Variants in DYNC2LI1 observed in about 807,000 individuals in gnomAD.
The protein encoded by DYNC2LI1 is cytoplasmic dynein 2 light intermediate chain 1.
In DYNC2LI1, 45 loss-of-function variants were observed where a neutral mutation model predicts 51.9. The ratio of observed to expected loss-of-function variants is 0.87; its 90% CI spans 0.68 to 1.11. DYNC2LI1 has a LOEUF of 1.11. Ranked by LOEUF, DYNC2LI1 falls within the 50% of genes most tolerant of loss-of-function variation. The pLI, the probability that DYNC2LI1 is intolerant of heterozygous loss-of-function variation, is 0.00. For missense variants in DYNC2LI1, 490 were observed against 417.4 expected (o/e 1.17, Z -1.51); for synonymous variants, 130 against 137.8 (o/e 0.94, Z 0.40).
chr2:43,786,935 A>T (rs1673549341), intron 3 of DYNC2LI1, among the ~76,000 whole-genome samples: 1 of 152,242 alleles, frequency 6.6e-6, no homozygotes. Context: ...CAGCCTCAAC[A>T]CATTCTCTAC....
intron 3 of DYNC2LI1, among the ~76,000 whole-genome samples, chr2:43,784,880 C>T (rs1572699795): frequency 6.6e-6 from 1 of 152,178 alleles, no homozygotes; most frequent in Middle Eastern, 3.4e-3. Context: ...GACATATAAC[C>T]GAATATTACT....
intron 6 of DYNC2LI1, 94 bp from the exon 7 acceptor site, chr2:43,795,796 A>G (rs1048177641): frequency 2.2e-6 from 2 of 920,944 alleles, no homozygotes; most frequent in African/African-American, 3.3e-5. Flanking sequence ...CTATGAAGAG[A>G]CTGAAAATGG....
chr2:43,824,341 T>C, the DYNC2LI1 span: 7 of 1,614,098 alleles, frequency 4.3e-6, no homozygotes, highest in Non-Finnish European at 5.9e-6. Flanking sequence ...GACAAATTGC[T>C]GATTTCTTGT....
At chr2:43,822,049 T>C in the DYNC2LI1 span, among the ~76,000 whole-genome samples, 4 of 152,170 alleles carry the variant, frequency 2.6e-5, no homozygotes, top group Non-Finnish European at 5.9e-5. Flanking sequence ...TGTTTTTTGA[T>C]GGTCTTATTT....
the DYNC2LI1 span, among the ~76,000 whole-genome samples, chr2:43,816,741 GTA>G: frequency 6.6e-6 from 1 of 152,086 alleles, no homozygotes; most frequent in African/African-American, 2.4e-5. Context: ...GGGAAAAAAA[GTA>G]TGCATATTTT....
chr2:43,785,250 G>T (rs569220501), intron 3 of DYNC2LI1, among the ~76,000 whole-genome samples: 13 of 152,240 alleles, frequency 8.5e-5, no homozygotes, highest in African/African-American at 3.1e-4. Flanking sequence ...AGTGAGCTGT[G>T]ATCGCGCCAC....
chr2:43,794,880 CCAAT>C lies in DYNC2LI1; in HGVS notation c.507+240_507+243del, dbSNP rs140736574. On this transcript the variant is annotated intron_variant, in intron 6 of 12. Coordinates refer to ENST00000260605, the MANE Select transcript of DYNC2LI1 (RefSeq NM_016008.4). ...TCTGTGATTGTTATGGCATATTACA[CCAAT>C]CAGAGAAATAGAGTTTTAAAGTAGT... is the stretch of plus-strand genomic sequence containing the variant. The C allele has an allele frequency of 5.9e-4, 821 of 1,401,056 alleles. 9 individuals carry two copies. In the East Asian group the frequency reaches 0.017, roughly 30 times the overall value. The allele number at this position is 1,401,056 out of a possible 1,614,324, so 86.8% of individuals were successfully genotyped here.
chr2:43,800,882 A>T lies in DYNC2LI1; in HGVS notation c.696A>T (p.Gly232=). 6.2e-7 allele frequency: 1 copy of T among 1,605,316 alleles called. No homozygotes were observed. Among genetic ancestry groups the T allele is most frequent in the Non-Finnish European group, 8.5e-7 (1 of 1,175,154 alleles). The stretch of plus-strand genomic sequence containing the variant: ...AAGCTCTATTACTAAAAATACGTGG[A>T]GTTATCAACCAGTTGGCATTTGGCA... ...KSEALLLKIR[G]VINQLAFGID... Residue 232 remains glycine, a synonymous_variant, in exon 9 of 13, where the codon GGA becomes GGT. Transcript: ENST00000260605.
At chr2:43,782,457 A>G (rs147844055) in intron 2 of DYNC2LI1, among the ~76,000 whole-genome samples, 1 of 151,282 alleles carries the variant, frequency 6.6e-6, no homozygotes, top group East Asian at 1.9e-4. Flanking sequence ...AGTTTTCCAA[A>G]TTATTTTCTT....
intron 5 of DYNC2LI1, 26 bp downstream of exon 5, chr2:43,789,747 C>G (rs879025579): frequency 1.3e-6 from 2 of 1,596,996 alleles, no homozygotes; most frequent in Admixed American, 3.4e-5. Context: ...CCAGGAAAAC[C>G]TGTAAGTACA....
chr2:43,817,825 G>A, the DYNC2LI1 span, among the ~76,000 whole-genome samples: 2 of 151,546 alleles, frequency 1.3e-5, no homozygotes, highest in African/African-American at 2.4e-5. Context: ...CAGGAAAATC[G>A]CTTGAACATG....
the DYNC2LI1 span, among the ~76,000 whole-genome samples, chr2:43,827,123 G>A: frequency 7.9e-5 from 12 of 152,054 alleles, no homozygotes; most frequent in Admixed American, 5.2e-4. Flanking sequence ...TCAGGAGTTC[G>A]AGACCACCCT....
At chr2:43,776,175 T>C (rs1239964257) in intron 1 of DYNC2LI1, among the ~76,000 whole-genome samples, 1 of 152,114 alleles carries the variant, frequency 6.6e-6, no homozygotes, top group Non-Finnish European at 1.5e-5. Flanking sequence ...CCTAATGCTA[T>C]CCCTCCCCCA....
downstream of DYNC2LI1, chr2:43,813,129 A>T (rs140511481): frequency 7.9e-7 from 1 of 1,270,592 alleles, no homozygotes; most frequent in East Asian, 2.3e-5. Flanking sequence ...CCTGCTAATG[A>T]GATGATCCCT....
chr2:43,806,564 G>A (rs143619451), intron 12 of DYNC2LI1, among the ~76,000 whole-genome samples: 349 of 152,280 alleles, frequency 2.3e-3, no homozygotes, highest in Non-Finnish European at 3.8e-3. Context: ...TATTATGTTT[G>A]CAGCCTGGCT....
At chr2:43,782,408 AAC>A (rs1572697500) in intron 2 of DYNC2LI1, among the ~76,000 whole-genome samples, 1 of 152,066 alleles carries the variant, frequency 6.6e-6, no homozygotes, top group Non-Finnish European at 1.5e-5. Flanking sequence ...TAAAAACAAA[AAC>A]ACATATAATA....
At chr2:43,816,975 G>C in the DYNC2LI1 span, among the ~76,000 whole-genome samples, 2 of 152,112 alleles carry the variant, frequency 1.3e-5, no homozygotes, top group Non-Finnish European at 2.9e-5. Flanking sequence ...AAAGAGAAGG[G>C]AGCCAACAGC....
chr2:43,800,356 A>G (rs190621091), intron 8 of DYNC2LI1, among the ~76,000 whole-genome samples: 80 of 152,326 alleles, frequency 5.3e-4, no homozygotes, highest in African/African-American at 1.7e-3. Context: ...TATCAGCATC[A>G]TTAGACCAGT....
intron 11 of DYNC2LI1, 130 bp from the exon 12 acceptor site, chr2:43,805,024 A>G (rs1237230760): frequency 6.6e-6 from 4 of 607,460 alleles, no homozygotes; most frequent in Non-Finnish European, 1.1e-5. Flanking sequence ...AGTGGTGATG[A>G]GAAAAGCTAG....
Sources: allele counts gnomAD v4.1 joint callset (sites outside exome capture counted in the v4.1 genomes callset), GRCh38; gene constraint gnomAD v4.1.1; transcripts MANE v1.5; gene names NCBI Gene and HGNC (gene_info 2026-07-23, HGNC 2026-07-21).